PRTG: variants seen among roughly 807,000 people sequenced by gnomAD.
PRTG encodes the protein protogenin, also known as immunoglobulin superfamily, DCC subclass, member 5.
PRTG carries 67 observed loss-of-function variants against 122.5 expected under a neutral mutation model. That is an observed-to-expected ratio of 0.55 (90% CI 0.45 to 0.67). The LOEUF is 0.67. Ranked by LOEUF, PRTG falls within the 30% of genes least tolerant of loss-of-function variation. The pLI is 0.00. For missense variants in PRTG, 1,435 were observed against 1,415.4 expected (o/e 1.01, Z -0.22); for synonymous variants, 554 against 501.1 (o/e 1.11, Z -1.41).
At chr15:55,735,359 G>A (rs569220256) in intron 2 of PRTG, among the ~76,000 whole-genome samples, 5 of 151,922 alleles carry the variant, frequency 3.3e-5, no homozygotes, top group East Asian at 1.9e-4. Flanking sequence ...CAAGAATATC[G>A]TGGTTTTCAA....
intron 18 of PRTG, among the ~76,000 whole-genome samples, chr15:55,623,723 C>T (rs887338071): frequency 3.3e-5 from 5 of 152,148 alleles, no homozygotes; most frequent in Admixed American, 6.5e-5. Flanking sequence ...TGTAATGTGA[C>T]TAAAAATAAT....
At chr15:55,647,787 A>G (rs1190826158) in intron 11 of PRTG, among the ~76,000 whole-genome samples, 1 of 152,240 alleles carries the variant, frequency 6.6e-6, no homozygotes, top group African/African-American at 2.4e-5. Context: ...GTTCGTTCAT[A>G]CAAACAAGAT....
chr15:55,632,440 G>A (rs1358236922), intron 15 of PRTG, among the ~76,000 whole-genome samples: 3 of 152,130 alleles, frequency 2.0e-5, no homozygotes, highest in Admixed American at 6.5e-5. Flanking sequence ...GGCTGCCAAA[G>A]CAATCCTTTC....
In PRTG at chr15:55,620,136, T is replaced by A. The variant is rs766036839; in HGVS notation, c.3329A>T (p.Asp1110Val). Residue 1110 changes from aspartate (D) to valine (V), a missense_variant, in exon 20 of 20, where the codon GAT (aspartate) becomes GTT (valine). By Grantham distance (152) the Asp-to-Val change is radical. Coordinates refer to ENST00000389286, the MANE Select transcript of PRTG (RefSeq NM_173814.6). ...TTCACTATTTGCTGAATGTTCTGTA[T>A]CAGCTGCAACACCAAAGGGTCTTGA... ...SFSRPFGVAA[D>V]TEHSANSEGS... 1 of 1,614,166 alleles carries A rather than the reference T, an allele frequency of 6.2e-7. No homozygotes were observed. Among genetic ancestry groups the A allele is most frequent in the Non-Finnish European group, 8.5e-7 (1 of 1,180,030 alleles).
chr15:55,723,558 A>T (rs1487734362), intron 2 of PRTG, among the ~76,000 whole-genome samples: 1 of 152,110 alleles, frequency 6.6e-6, no homozygotes, highest in Non-Finnish European at 1.5e-5. Flanking sequence ...TTGATGAAAG[A>T]AATAAATCTA....
At chr15:55,713,519 T>G (rs1323929860) in intron 2 of PRTG, among the ~76,000 whole-genome samples, 1 of 152,346 alleles carries the variant, frequency 6.6e-6, no homozygotes, top group East Asian at 1.9e-4. Flanking sequence ...TTTTTCCCGA[T>G]ATTGCCAAAT....
chr15:55,663,931 A>G (rs1020843222), intron 11 of PRTG, among the ~76,000 whole-genome samples: 20 of 152,234 alleles, frequency 1.3e-4, no homozygotes, highest in Admixed American at 3.3e-4. Flanking sequence ...GCATAATGAC[A>G]TTGATATTCA....
intron 15 of PRTG, among the ~76,000 whole-genome samples, chr15:55,632,967 A>C (rs967827339): frequency 6.6e-6 from 1 of 152,198 alleles, no homozygotes; most frequent in Non-Finnish European, 1.5e-5. Context: ...CATTTGGCAA[A>C]TGTTGAGTTA....
At chr15:55,687,786 C>A (rs1414474488) in intron 2 of PRTG, among the ~76,000 whole-genome samples, 2 of 152,162 alleles carry the variant, frequency 1.3e-5, no homozygotes, top group Non-Finnish European at 2.9e-5. Flanking sequence ...TTTGAAAATT[C>A]AATCCACTGG....
intron 11 of PRTG, among the ~76,000 whole-genome samples, chr15:55,660,445 C>G (rs1240169102): frequency 1.3e-5 from 2 of 152,146 alleles, no homozygotes; most frequent in African/African-American, 4.8e-5. Flanking sequence ...CCAGAAACTT[C>G]CAGAGTGGTC....
In PRTG at chr15:55,673,399, A is replaced by AT; in HGVS notation, c.1823dup (p.His608GlnfsTer2). The AT allele has an allele frequency of 6.2e-7, 1 of 1,613,992 alleles. No homozygotes were observed. Among genetic ancestry groups the AT allele is most frequent in the East Asian group, 2.2e-5 (1 of 44,886 alleles). On this transcript the variant is annotated frameshift_variant, in exon 10 of 20. Transcript: ENST00000389286. LOFTEE classifies it high-confidence loss of function. The stretch of plus-strand genomic sequence containing the variant: ...TCACGCTTGTAGCTTTGGGCGTCCT[A>AT]TGTGAAGTCCATACTGATGACTCTC...
Position 55,680,493 on chromosome 15 carries a change from A to C in PRTG, c.812T>G (p.Leu271Arg), listed in dbSNP as rs199660451. The change falls in exon 5 of 20, where the codon CTT (leucine) becomes CGT (arginine). Residue 271 changes from leucine to arginine, a missense_variant and splice_region_variant. Transcript: ENST00000389286. Reference sequence around the variant, plus strand: ...TTTTTTTTCCTGAGAAGACTTACCAAGGCGGCTCCAAGAAATGATTGGTTT... The same window carrying C: ...TTTTTTTTCCTGAGAAGACTTACCACGGCGGCTCCAAGAAATGATTGGTTT... Reference protein sequence around the residue: ...NPKPIISWSRLDHKSIDVFNT... With the variant: ...NPKPIISWSRRDHKSIDVFNT... 1.9e-6 allele frequency: 3 copies of C among 1,587,612 alleles called. No homozygotes were observed. The highest frequency in any genetic ancestry group is 1.4e-5 in the African/African-American group (1 of 73,950).
At chr15:55,679,917 T>G (rs1020627313) in intron 6 of PRTG, 137 bp downstream of exon 6, 1 of 685,948 alleles carries the variant, frequency 1.5e-6, no homozygotes, top group East Asian at 2.8e-5. Context: ...TATTTGTTTT[T>G]TCCTGAAATT....
At chr15:55,716,271 C>T (rs1362527558) in intron 2 of PRTG, among the ~76,000 whole-genome samples, 1 of 152,098 alleles carries the variant, frequency 6.6e-6, no homozygotes, top group African/African-American at 2.4e-5. Context: ...AACAACAAAA[C>T]AATCAACTGG....
chr15:55,635,104 T>TGTGTGTGTG lies in PRTG; in HGVS notation c.2623+2065_2623+2066insCACACACAC, dbSNP rs773250114. On this transcript the variant is annotated intron_variant, in intron 15 of 19. Coordinates refer to ENST00000389286, the MANE Select transcript of PRTG (RefSeq NM_173814.6). ...GTGTGTGTGTGTGTGTGTGTGTGTG[T>TGTGTGTGTG]TTTTTGAGACAGAGTCTCACTCTAT... 1.7e-4 allele frequency among the ~76,000 whole-genome samples: 19 copies of TGTGTGTGTG among 112,694 alleles called. 1 individual carries two copies. The highest frequency in any genetic ancestry group is 2.5e-4 in the Non-Finnish European group (14 of 56,318). The allele number at this position is 112,694 out of a possible 152,430, so 73.9% of individuals were successfully genotyped here. A position where few individuals can be genotyped will look rare whatever the true frequency, so the allele number is the denominator to read the frequency against.
At chr15:55,646,598 A>C (rs2059325830) in intron 11 of PRTG, among the ~76,000 whole-genome samples, 1 of 152,198 alleles carries the variant, frequency 6.6e-6, no homozygotes, top group South Asian at 2.1e-4. Flanking sequence ...CTGGGATTAC[A>C]GGCGTGAGCC....
intron 16 of PRTG, 60 bp from the exon 17 acceptor site, chr15:55,627,188 A>T: frequency 7.6e-7 from 1 of 1,319,172 alleles, no homozygotes; most frequent in Non-Finnish European, 1.0e-6. Flanking sequence ...TTAATTTATA[A>T]TTCTCAGGTA....
chr15:55,695,542 TCACTGCTGC>T (rs1427369092), intron 2 of PRTG, among the ~76,000 whole-genome samples: 4 of 152,202 alleles, frequency 2.6e-5, no homozygotes, highest in African/African-American at 9.7e-5. Flanking sequence ...ACTGCACCAG[TCACTGCTGC>T]CACACCCCCT....
chr15:55,724,371 A>T (rs1304628632), intron 2 of PRTG, among the ~76,000 whole-genome samples: 1 of 152,188 alleles, frequency 6.6e-6, no homozygotes, highest in African/African-American at 2.4e-5. Flanking sequence ...TTGGGTGAAT[A>T]TAATGTATAT....
Sources: allele counts gnomAD v4.1 joint callset (sites outside exome capture counted in the v4.1 genomes callset), GRCh38; gene constraint gnomAD v4.1.1; transcripts MANE v1.5; gene names NCBI Gene and HGNC (gene_info 2026-07-23, HGNC 2026-07-21).